Variants in MYRIP observed in about 807,000 individuals in gnomAD.
The protein encoded by MYRIP is rab effector MyRIP.
A neutral mutation model predicts 98.0 loss-of-function variants in MYRIP; 49 were observed. The observed-to-expected ratio is 0.50, with a 90% CI of 0.40 to 0.63. MYRIP has a LOEUF of 0.63. MYRIP is among the 30% of genes least tolerant of loss of function. The probability of loss-of-function intolerance (pLI) is 0.00; values close to 1 mark genes in which losing one functional copy is unlikely to be tolerated. For missense variants in MYRIP, 1,004 were observed against 1,058.2 expected, an observed-to-expected ratio of 0.95 and a Z score of 0.71; for synonymous variants, 404 against 409.5, an observed-to-expected ratio of 0.99 and a Z score of 0.16.
At chr3:40,227,927 G>T (rs553979020) in intron 11 of MYRIP, among the ~76,000 whole-genome samples, 3 of 152,340 alleles carry the variant, frequency 2.0e-5, no homozygotes, top group East Asian at 1.9e-4. Context: ...TTAAGTATTT[G>T]CCCAAAGTCA....
rs1186394869 is a variant in MYRIP at position 39,889,457 on chromosome 3, C to G, written c.-30-11330C>G. Among the ~76,000 whole-genome samples, 4 of 152,084 alleles carry G rather than the reference C, an allele frequency of 2.6e-5. No individual in the cohort carries two copies. In the South Asian group the frequency reaches 8.3e-4, roughly 32 times the overall value. On this transcript the variant is annotated intron_variant, in intron 1 of 16. Transcript: ENST00000302541. ...AAAAACCAAAGACCACATATTCTCA[C>G]TCATAGGTGGAAACTGAACAATGAG...
intron 2 of MYRIP, among the ~76,000 whole-genome samples, chr3:39,959,057 G>C (rs1299973114): frequency 6.6e-6 from 1 of 152,166 alleles, no homozygotes; most frequent in East Asian, 1.9e-4. Context: ...GGAGAAATAG[G>C]AACACTTTTA....
At chr3:39,944,473 G>C (rs1944856137) in intron 2 of MYRIP, among the ~76,000 whole-genome samples, 1 of 152,064 alleles carries the variant, frequency 6.6e-6, no homozygotes. Context: ...TAGGAAAAAA[G>C]AGGAAGAGCG....
At chr3:39,889,663 A>T (rs9860635) in intron 1 of MYRIP, among the ~76,000 whole-genome samples, 21,328 of 152,180 alleles carry the variant, frequency 0.14, 2,523 homozygotes, top group African/African-American at 0.32. Context: ...CATGTACCCT[A>T]AAACTTAAAG....
chr3:40,178,361 G>C (rs1318723089), intron 8 of MYRIP, among the ~76,000 whole-genome samples: 1 of 152,168 alleles, frequency 6.6e-6, no homozygotes, highest in Non-Finnish European at 1.5e-5. Context: ...AAAGCTTCGG[G>C]ACCAGTTGGT....
intron 1 of MYRIP, among the ~76,000 whole-genome samples, chr3:39,844,213 A>G (rs760520796): frequency 3.3e-5 from 5 of 152,160 alleles, no homozygotes; most frequent in South Asian, 2.1e-4. Flanking sequence ...CTGCCCACAA[A>G]TTGATGTAGG....
At chr3:39,900,666 G>A (rs1048679849) in intron 1 of MYRIP, 121 bp from the exon 2 acceptor site, 3 of 511,266 alleles carry the variant, frequency 5.9e-6, no homozygotes, top group African/African-American at 5.9e-5. Context: ...TCAAGAGAAA[G>A]ATACTACCTT....
At chr3:39,877,255 C>T (rs1037831847) in intron 1 of MYRIP, among the ~76,000 whole-genome samples, 2 of 152,068 alleles carry the variant, frequency 1.3e-5, no homozygotes. Flanking sequence ...AAATTTTTTT[C>T]AAAGTTTTCA....
At chr3:40,007,460 A>G (rs1173667166) in intron 2 of MYRIP, among the ~76,000 whole-genome samples, 4 of 152,208 alleles carry the variant, frequency 2.6e-5, no homozygotes, top group Admixed American at 2.6e-4. Flanking sequence ...GCCTTAGCTC[A>G]GGTGTCCTCT....
chr3:40,150,319 G>A (rs1020742952), intron 3 of MYRIP, among the ~76,000 whole-genome samples: 33 of 152,208 alleles, frequency 2.2e-4, no homozygotes, highest in African/African-American at 7.9e-4. Flanking sequence ...TCAAACTCCT[G>A]ACCTCAAGTG....
At chr3:40,239,195 A>T (rs1952920627) in intron 12 of MYRIP, among the ~76,000 whole-genome samples, 1 of 151,836 alleles carries the variant, frequency 6.6e-6, no homozygotes, top group Admixed American at 6.6e-5. Flanking sequence ...ACTGAGAATG[A>T]TGATTTCCAA....
chr3:40,155,572 C>A (rs1211565915), intron 4 of MYRIP, among the ~76,000 whole-genome samples: 1 of 151,852 alleles, frequency 6.6e-6, no homozygotes, highest in South Asian at 2.1e-4. Context: ...GCCACACTGA[C>A]TTCCACAATG....
At chr3:39,997,009 G>A (rs1322163564) in intron 2 of MYRIP, among the ~76,000 whole-genome samples, 4 of 152,142 alleles carry the variant, frequency 2.6e-5, no homozygotes, top group African/African-American at 4.8e-5. Flanking sequence ...CAACATACCA[G>A]AATCTCTGGG....
chr3:40,119,282 T>A (rs534538666), intron 3 of MYRIP, among the ~76,000 whole-genome samples: 24 of 152,316 alleles, frequency 1.6e-4, no homozygotes, highest in African/African-American at 5.8e-4. Flanking sequence ...CTAACTGGTG[T>A]GAGATGGTAT....
intron 2 of MYRIP, among the ~76,000 whole-genome samples, chr3:39,913,356 C>T (rs1306239186): frequency 1.3e-5 from 2 of 152,126 alleles, no homozygotes; most frequent in African/African-American, 4.8e-5. Flanking sequence ...GGCCTCAAAA[C>T]AAAACACATT....
At chr3:40,156,058 G>A in intron 4 of MYRIP, among the ~76,000 whole-genome samples, 1 of 151,976 alleles carries the variant, frequency 6.6e-6, no homozygotes, top group Admixed American at 6.6e-5. Context: ...TAGACATGAA[G>A]TCCTTGCCCA....
At chr3:39,883,810 C>T (rs1393834265) in intron 1 of MYRIP, among the ~76,000 whole-genome samples, 1 of 151,818 alleles carries the variant, frequency 6.6e-6, no homozygotes, top group African/African-American at 2.4e-5. Flanking sequence ...GGATATAAAA[C>T]CAGAAGATAG....
intron 4 of MYRIP, among the ~76,000 whole-genome samples, chr3:40,156,310 C>A (rs993818744): frequency 1.3e-5 from 2 of 151,866 alleles, no homozygotes; most frequent in Admixed American, 6.6e-5. Context: ...TGTAGATATG[C>A]GGCATTATTT....
chr3:39,849,222 T>C (rs1379062159), intron 1 of MYRIP, among the ~76,000 whole-genome samples: 1 of 152,204 alleles, frequency 6.6e-6, no homozygotes, highest in Non-Finnish European at 1.5e-5. Context: ...TCCACTGTAA[T>C]CCTAAAGTGG....
Sources: gnomAD v4.1 joint callset for allele counts (sites outside exome capture counted in the v4.1 genomes callset) on GRCh38, gnomAD v4.1.1 for gene constraint, MANE v1.5 for transcripts, NCBI Gene and HGNC (gene_info 2026-07-23, HGNC 2026-07-21) for gene names.